SNX4: variants seen among roughly 807,000 people sequenced by gnomAD.
SNX4 encodes sorting nexin 4.
In SNX4, 49 loss-of-function variants were observed where a neutral mutation model predicts 70.8. The observed-to-expected ratio is 0.69, with a 90% CI of 0.55 to 0.88. The LOEUF is 0.88. SNX4 is among the 40% of genes least tolerant of loss of function. The pLI, the probability that SNX4 is intolerant of heterozygous loss-of-function variation, is 0.00. For missense variants in SNX4, 528 were observed against 544.8 expected, an observed-to-expected ratio of 0.97 and a Z score of 0.31; for synonymous variants, 206 against 183.8, an observed-to-expected ratio of 1.12 and a Z score of -0.98.
intron 6 of SNX4, 145 bp from the exon 7 acceptor site, chr3:125,480,464 A>C (rs1934385276): frequency 2.7e-6 from 1 of 371,774 alleles, no homozygotes; most frequent in Non-Finnish European, 4.9e-6. Flanking sequence ...CACCAATATA[A>C]ATCCAAAAAA....
At position 125,520,014 on chromosome 3, in the gene SNX4, G is replaced by A. The variant is rs779669243; in HGVS notation, c.141+18C>T. On this transcript the variant is annotated intron_variant, in intron 1 of 13. Coordinates refer to ENST00000251775, the MANE Select transcript of SNX4 (RefSeq NM_003794.4). ...CCACCACACAGGCCATGAGGGCTCT[G>A]CCGCCCCTTCTCCTCACCGTGTCGA... 2.0e-6 allele frequency: 3 copies of A among 1,532,774 alleles called. 1 individual carries two copies. Among genetic ancestry groups the A allele is most frequent in the South Asian group, 2.4e-5 (2 of 84,170 alleles). 94.9% of individuals were successfully genotyped at this position (1,532,774 alleles called of 1,614,324 possible).
intron 9 of SNX4, among the ~76,000 whole-genome samples, chr3:125,464,133 A>G (rs1199030307): frequency 6.6e-6 from 1 of 152,160 alleles, no homozygotes; most frequent in East Asian, 1.9e-4. Flanking sequence ...CAGTGGTATT[A>G]AGTATATATA....
At chr3:125,463,205 T>C (rs1035999565) in intron 9 of SNX4, among the ~76,000 whole-genome samples, 18 of 152,210 alleles carry the variant, frequency 1.2e-4, no homozygotes, top group Admixed American at 4.6e-4. Flanking sequence ...AGTGAACATA[T>C]ACATTCTGTA....
intron 8 of SNX4, among the ~76,000 whole-genome samples, chr3:125,473,067 T>A (rs1934214102): frequency 6.6e-6 from 1 of 152,166 alleles, no homozygotes; most frequent in Non-Finnish European, 1.5e-5. Flanking sequence ...CATGTACATG[T>A]GCAGGTTTGT....
intron 1 of SNX4, 69 bp downstream of exon 1, chr3:125,519,963 A>AGCCCAGCCCC: frequency 1.5e-6 from 1 of 671,488 alleles, no homozygotes; most frequent in Non-Finnish European, 2.1e-6. Context: ...AGCCCAGCCC[A>AGCCCAGCCCC]GCCCAGCCCA....
chr3:125,479,392 A>C (rs1212589894), intron 7 of SNX4, among the ~76,000 whole-genome samples: 1 of 151,952 alleles, frequency 6.6e-6, no homozygotes, highest in African/African-American at 2.4e-5. Flanking sequence ...CCCCATCTCT[A>C]CTAAAAATAA....
chr3:125,500,867 A>C (rs2107562567), intron 2 of SNX4, among the ~76,000 whole-genome samples: 2 of 145,454 alleles, frequency 1.4e-5, no homozygotes, highest in South Asian at 4.4e-4. Flanking sequence ...TAATTTTTAA[A>C]GTATTTTTTA....
At chr3:125,493,860 T>C (rs530839301) in intron 5 of SNX4, among the ~76,000 whole-genome samples, 2 of 150,690 alleles carry the variant, frequency 1.3e-5, no homozygotes, top group East Asian at 2.0e-4. Context: ...TGAAACCCCG[T>C]CTCTACTAAA....
chr3:125,494,897 G>A lies in SNX4; in HGVS notation c.597+2444C>T, dbSNP rs80118572. On this transcript the variant is annotated intron_variant, in intron 5 of 13. Coordinates refer to ENST00000251775, the MANE Select transcript of SNX4 (RefSeq NM_003794.4). Reference sequence around the variant, plus strand: ...CTCACGCCAAATGTACCCATTCTGCGATGTGTGACTCACATACCACTGCTA... The same window carrying A: ...CTCACGCCAAATGTACCCATTCTGCAATGTGTGACTCACATACCACTGCTA... Among the ~76,000 whole-genome samples, 736 of 152,240 alleles carry A rather than the reference G, an allele frequency of 4.8e-3. 8 individuals are homozygous for A. The highest frequency in any genetic ancestry group is 7.6e-3 in the Non-Finnish European group (519 of 68,024).
intron 2 of SNX4, 107 bp from the exon 3 acceptor site, chr3:125,498,301 A>C: frequency 9.4e-7 from 1 of 1,061,240 alleles, no homozygotes; most frequent in Non-Finnish European, 1.3e-6. Context: ...TGAACCAGGC[A>C]CTAAGTAAAG....
At chr3:125,484,196 A>G (rs1054036739) in intron 6 of SNX4, among the ~76,000 whole-genome samples, 1 of 152,218 alleles carries the variant, frequency 6.6e-6, no homozygotes, top group African/African-American at 2.4e-5. Context: ...TGAATCAGCC[A>G]TATTTTCTAT....
intron 13 of SNX4, among the ~76,000 whole-genome samples, chr3:125,448,373 G>A (rs536854540): frequency 7.9e-5 from 12 of 151,118 alleles, no homozygotes; most frequent in African/African-American, 1.9e-4. Flanking sequence ...GGGCTCAAGC[G>A]ACCTGCTTGC....
intron 2 of SNX4, among the ~76,000 whole-genome samples, chr3:125,500,353 T>C (rs1934898830): frequency 6.6e-6 from 1 of 152,186 alleles, no homozygotes; most frequent in Non-Finnish European, 1.5e-5. Flanking sequence ...CATATATTTA[T>C]TTTAAAAGAG....
intron 1 of SNX4, among the ~76,000 whole-genome samples, chr3:125,511,150 G>GT (rs1360026240): frequency 6.6e-5 from 10 of 152,286 alleles, no homozygotes; most frequent in African/African-American, 2.4e-4. Flanking sequence ...CCAACCTCAG[G>GT]TGATCCACCC....
chr3:125,510,870 A>G (rs763424016), intron 1 of SNX4, among the ~76,000 whole-genome samples: 7 of 152,188 alleles, frequency 4.6e-5, no homozygotes, highest in Non-Finnish European at 8.8e-5. Flanking sequence ...TTATGACTGA[A>G]CATTTTTAAA....
intron 11 of SNX4, among the ~76,000 whole-genome samples, chr3:125,454,562 C>T (rs764932090): frequency 5.3e-5 from 8 of 152,170 alleles, no homozygotes; most frequent in Non-Finnish European, 1.2e-4. Flanking sequence ...AAAGGATATG[C>T]ACAGGTTACA....
intron 1 of SNX4, among the ~76,000 whole-genome samples, chr3:125,507,191 G>GAAAAAAAAAAAAAA (rs753584700): frequency 1.1e-5 from 1 of 90,822 alleles, no homozygotes; most frequent in Non-Finnish European, 2.2e-5. Context: ...CTGGGTGATA[G>GAAAAAAAAAAAAAA]AAAAAAAAAA....
intron 6 of SNX4, among the ~76,000 whole-genome samples, chr3:125,485,758 C>T (rs1934510414): frequency 6.6e-6 from 1 of 152,186 alleles, no homozygotes; most frequent in Non-Finnish European, 1.5e-5. Context: ...GTCTGAGTGA[C>T]TGTGAGAAAT....
chr3:125,457,204 T>A (rs1157087341), intron 11 of SNX4, 62 bp downstream of exon 11: 13 of 1,159,226 alleles, frequency 1.1e-5, no homozygotes, highest in Non-Finnish European at 1.7e-5. Flanking sequence ...TCAGAGTGAG[T>A]GCTTGTGAGG....
Sources: allele counts gnomAD v4.1 joint callset (sites outside exome capture counted in the v4.1 genomes callset), GRCh38; gene constraint gnomAD v4.1.1; transcripts MANE v1.5; gene names NCBI Gene and HGNC (gene_info 2026-07-23, HGNC 2026-07-21).